BICD1: variants seen among roughly 807,000 people sequenced by gnomAD.
BICD1 encodes the protein protein bicaudal D homolog 1.
Under a neutral mutation model 92.5 loss-of-function variants are expected in BICD1, and 35 were observed. The ratio of observed to expected loss-of-function variants is 0.38; its 90% confidence interval spans 0.29 to 0.50. BICD1 has a LOEUF of 0.50. BICD1 is among the 20% of genes least tolerant of loss of function. The probability of loss-of-function intolerance (pLI) is 0.93; values close to 1 mark genes in which losing one functional copy is unlikely to be tolerated. For synonymous variants in BICD1, 429 were observed against 465.1 expected (o/e 0.92, Z 1.00); for missense variants, 950 against 1,189.8 (o/e 0.80, Z 2.97).
intron 2 of BICD1, among the ~76,000 whole-genome samples, chr12:32,265,339 G>A (rs1435344354): frequency 6.6e-6 from 1 of 152,122 alleles, no homozygotes; most frequent in Non-Finnish European, 1.5e-5. Context: ...CCATGCGAAT[G>A]TCTTGGTTAA....
intron 1 of BICD1, among the ~76,000 whole-genome samples, chr12:32,202,487 C>G (rs989149745): frequency 1.3e-5 from 2 of 152,182 alleles, no homozygotes; most frequent in African/African-American, 4.8e-5. Flanking sequence ...CCTGACTAAG[C>G]TTCATCAATA....
intron 2 of BICD1, among the ~76,000 whole-genome samples, chr12:32,233,697 A>G (rs1945970828): frequency 6.6e-6 from 1 of 152,086 alleles, no homozygotes; most frequent in Non-Finnish European, 1.5e-5. Context: ...TTGGTTTCAA[A>G]CTTTTTCTCC....
chr12:32,299,105 G>A (rs898572917), intron 3 of BICD1, among the ~76,000 whole-genome samples: 1 of 152,114 alleles, frequency 6.6e-6, no homozygotes, highest in Non-Finnish European at 1.5e-5. Context: ...TGGCAACACA[G>A]GGATAGATTA....
intron 8 of BICD1, among the ~76,000 whole-genome samples, chr12:32,342,202 GTGTA>G (rs1306290773): frequency 1.3e-4 from 13 of 98,462 alleles, no homozygotes; most frequent in Non-Finnish European, 1.8e-4. Flanking sequence ...ATGTGTGTGT[GTGTA>G]TATATATATA....
chr12:32,190,961 A>C (rs1944547172), intron 1 of BICD1, among the ~76,000 whole-genome samples: 1 of 152,236 alleles, frequency 6.6e-6, no homozygotes, highest in African/African-American at 2.4e-5. Context: ...ACATATGTAG[A>C]CATTAAGCAC....
At chr12:32,206,117 A>G (rs1341599389) in intron 1 of BICD1, among the ~76,000 whole-genome samples, 5 of 152,170 alleles carry the variant, frequency 3.3e-5, no homozygotes, top group Non-Finnish European at 7.4e-5. Flanking sequence ...ATTGATGGAT[A>G]TTTGAAATGT....
At chr12:32,176,252 G>A (rs1355777462) in intron 1 of BICD1, among the ~76,000 whole-genome samples, 2 of 152,216 alleles carry the variant, frequency 1.3e-5, no homozygotes, top group South Asian at 2.1e-4. Context: ...ACCTAGGAGC[G>A]GAATTGGTGG....
At chr12:32,121,172 G>A (rs1279757759) in intron 1 of BICD1, among the ~76,000 whole-genome samples, 1 of 151,480 alleles carries the variant, frequency 6.6e-6, no homozygotes, top group Non-Finnish European at 1.5e-5. Context: ...GTTTCACCAT[G>A]TTGGCCAGCC....
chr12:32,260,051 A>C (rs1359977706), intron 2 of BICD1, among the ~76,000 whole-genome samples: 1 of 151,816 alleles, frequency 6.6e-6, no homozygotes, highest in Non-Finnish European at 1.5e-5. Context: ...CAGCCTCCCA[A>C]GTAGCTGGGA....
intron 1 of BICD1, among the ~76,000 whole-genome samples, chr12:32,149,293 A>G (rs2121420925): frequency 6.6e-6 from 1 of 152,294 alleles, no homozygotes; most frequent in East Asian, 1.9e-4. Context: ...GAGGGGGTCC[A>G]CTATGAATGA....
chr12:32,346,660 A>T (rs2136297358), intron 8 of BICD1, among the ~76,000 whole-genome samples: 1 of 119,252 alleles, frequency 8.4e-6, no homozygotes, highest in African/African-American at 2.9e-5. Flanking sequence ...ATATATATAC[A>T]CACACACACG....
chr12:32,123,531 A>T (rs1942226417), intron 1 of BICD1, among the ~76,000 whole-genome samples: 1 of 152,224 alleles, frequency 6.6e-6, no homozygotes, highest in South Asian at 2.1e-4. Flanking sequence ...ATAGGTGGTT[A>T]TGGTATTGCA....
At chr12:32,330,967 C>A (rs1302798112) in intron 5 of BICD1, among the ~76,000 whole-genome samples, 1 of 152,002 alleles carries the variant, frequency 6.6e-6, no homozygotes, top group Non-Finnish European at 1.5e-5. Flanking sequence ...AAACACCGTC[C>A]CTACTAAAAA....
chr12:32,114,075 G>A (rs1187950372), intron 1 of BICD1, among the ~76,000 whole-genome samples: 1 of 152,068 alleles, frequency 6.6e-6, no homozygotes, highest in Non-Finnish European at 1.5e-5. Flanking sequence ...GTTTCACCAT[G>A]TTGGCCAGAG....
At chr12:32,342,596 CT>C (rs1328974787) in intron 8 of BICD1, among the ~76,000 whole-genome samples, 1 of 151,986 alleles carries the variant, frequency 6.6e-6, no homozygotes, top group Non-Finnish European at 1.5e-5. Flanking sequence ...TTTAATTATT[CT>C]AATAAGCAGA....
At chr12:32,225,520 C>T (rs2121576098) in intron 2 of BICD1, among the ~76,000 whole-genome samples, 1 of 152,092 alleles carries the variant, frequency 6.6e-6, no homozygotes. Flanking sequence ...GTTAAGTTTT[C>T]CAGAGCAGCT....
intron 2 of BICD1, among the ~76,000 whole-genome samples, chr12:32,289,567 G>A (rs1224730513): frequency 2.0e-5 from 3 of 152,158 alleles, no homozygotes; most frequent in Non-Finnish European, 4.4e-5. Flanking sequence ...TGTATTCTTA[G>A]TAGAGACAGG....
Position 32,319,581 on chromosome 12 carries a change from G to A in BICD1, c.1006-7880G>A, listed in dbSNP as rs549497135. On this transcript the variant is annotated intron_variant, in intron 4 of 9. Coordinates refer to ENST00000652176, the MANE Select transcript of BICD1 (RefSeq NM_001714.4). The stretch of plus-strand genomic sequence containing the variant: ...GAGAGGTCGTTTGTTTTTTAGTTTC[G>A]TTTTTTTTTCTTTTTTGAAACAGTC... 1.5e-4 allele frequency among the ~76,000 whole-genome samples: 23 copies of A among 149,792 alleles called. No homozygotes were observed. The South Asian group carries it at 2.8e-3, about 18-fold the overall frequency.
At chr12:32,312,514 G>A (rs1027524837) in intron 4 of BICD1, among the ~76,000 whole-genome samples, 1 of 152,142 alleles carries the variant, frequency 6.6e-6, no homozygotes, top group Non-Finnish European at 1.5e-5. Context: ...CACTATCCCT[G>A]TGTATAAACG....
Sources: gnomAD v4.1 joint callset for allele counts (sites outside exome capture counted in the v4.1 genomes callset) on GRCh38, gnomAD v4.1.1 for gene constraint, MANE v1.5 for transcripts, NCBI Gene and HGNC (gene_info 2026-07-23, HGNC 2026-07-21) for gene names.